The following AGPAT4 variants were observed in gnomAD, a reference collection of about 807,000 sequenced individuals.
AGPAT4 encodes the protein 1-acyl-sn-glycerol-3-phosphate acyltransferase delta.
Under a neutral mutation model 48.0 loss-of-function variants are expected in AGPAT4, and 15 were observed. That is an observed-to-expected ratio of 0.31 (90% CI 0.21 to 0.48). The LOEUF (loss-of-function observed/expected upper bound fraction) is 0.48. Ranked by LOEUF, AGPAT4 falls within the 20% of genes least tolerant of loss-of-function variation. The pLI is 0.99. For synonymous variants in AGPAT4, 178 were observed against 198.7 expected (o/e 0.90, Z 0.88); for missense variants, 314 against 482.5 (o/e 0.65, Z 3.27).
chr6:161,149,688 C>T lies in AGPAT4; in HGVS notation c.665-399G>A, dbSNP rs1279649219. Among the ~76,000 whole-genome samples the T allele has an allele frequency of 6.6e-6, 1 of 152,026 alleles. No homozygotes were observed. Among genetic ancestry groups the T allele is most frequent in the African/African-American group, 2.4e-5 (1 of 41,380 alleles). Reference sequence around the variant, plus strand: ...TCCCAAGTAGCTGGGGTTACAGACACCCACCACCACGCCCAGCTAATTTTT... The same window carrying T: ...TCCCAAGTAGCTGGGGTTACAGACATCCACCACCACGCCCAGCTAATTTTT... On this transcript the variant is annotated intron_variant, in intron 5 of 8. Coordinates refer to ENST00000320285, the MANE Select transcript of AGPAT4 (RefSeq NM_020133.3). The surrounding 1 kb of genome is among the most constrained non-coding windows in gnomAD (Gnocchi z 6.5).
At chr6:161,181,595 T>C (rs1780593686) in intron 2 of AGPAT4, among the ~76,000 whole-genome samples, 1 of 152,172 alleles carries the variant, frequency 6.6e-6, no homozygotes. Flanking sequence ...TTTTAATTTT[T>C]GTGAGACAGT....
chr6:161,248,628 C>T (rs1782729836), intron 1 of AGPAT4, among the ~76,000 whole-genome samples: 1 of 148,134 alleles, frequency 6.8e-6, no homozygotes, highest in Non-Finnish European at 1.5e-5. Context: ...AGTGAAAGAT[C>T]GCTACAAGGA....
At position 161,211,639 on chromosome 6, in the gene AGPAT4, G is replaced by A. The variant is rs750883952; in HGVS notation, c.178+20397C>T. ...ATAAAAAGAGATTTTTAAAAAAAAC[G>A]TTTATATGATCAAGTTGTCATATTA... On this transcript the variant is annotated intron_variant, in intron 2 of 8. Coordinates refer to ENST00000320285, the MANE Select transcript of AGPAT4 (RefSeq NM_020133.3). Among the ~76,000 whole-genome samples, 46 of 152,092 alleles carry A rather than the reference G, an allele frequency of 3.0e-4. 1 individual carries two copies. The highest frequency in any genetic ancestry group is 1.9e-3 in the South Asian group (9 of 4,814).
In AGPAT4 at chr6:161,251,798, T is replaced by C. The variant is rs970628552; in HGVS notation, c.-89-19496A>G. Among the ~76,000 whole-genome samples, 2 of 152,278 alleles carry C rather than the reference T, an allele frequency of 1.3e-5. No individual in the cohort carries two copies. The highest frequency in any genetic ancestry group is 3.9e-4 in the East Asian group (2 of 5,172). On this transcript the variant is annotated intron_variant, in intron 1 of 8. Coordinates refer to ENST00000320285, the MANE Select transcript of AGPAT4 (RefSeq NM_020133.3). The surrounding 1 kb of genome is among the most constrained non-coding windows in gnomAD (Gnocchi z 4.6). ...CATTGATAGTTTACAAATCTACCTA[T>C]AGGGCAGTTTCTGCAGGAGGAACAA...
rs776271200 is a variant in AGPAT4 at position 161,214,789 on chromosome 6, T to C, written c.178+17247A>G. On this transcript the variant is annotated intron_variant, in intron 2 of 8. Coordinates refer to ENST00000320285, the MANE Select transcript of AGPAT4 (RefSeq NM_020133.3). The surrounding 1 kb of genome is among the most constrained non-coding windows in gnomAD (Gnocchi z 5.4). Reference sequence around the variant, plus strand: ...GTCTCAAAATAAATAAATAAATAAATAATAAAATAAACATAGAAAAGGCAC... The same window carrying C: ...GTCTCAAAATAAATAAATAAATAAACAATAAAATAAACATAGAAAAGGCAC... 1.3e-5 allele frequency among the ~76,000 whole-genome samples: 2 copies of C among 151,978 alleles called. No individual in the cohort carries two copies. The highest frequency in any genetic ancestry group is 2.4e-5 in the African/African-American group (1 of 41,400).
chr6:161,146,437 G>T lies in AGPAT4; in HGVS notation c.843+87C>A. 7.6e-7 allele frequency: 1 copy of T among 1,317,106 alleles called. No individual in the cohort carries two copies. Among genetic ancestry groups the T allele is most frequent in the Non-Finnish European group, 1.1e-6 (1 of 932,220 alleles). 81.6% of individuals were successfully genotyped at this position (1,317,106 alleles called of 1,614,324 possible). On this transcript the variant is annotated intron_variant, in intron 7 of 8. Transcript: ENST00000320285. This position sits in a 1 kb window ranked among gnomAD's most constrained non-coding sequence, Gnocchi z 7.1. ...CTGGCTCTGTGAGATCTCGCCCACCGGAGAAAGGCCTGCTACCACACAACA... is the reference window on the plus strand; with the variant it reads ...CTGGCTCTGTGAGATCTCGCCCACCTGAGAAAGGCCTGCTACCACACAACA...
intron 2 of AGPAT4, among the ~76,000 whole-genome samples, chr6:161,167,385 C>T (rs2114980675): frequency 6.6e-6 from 1 of 152,164 alleles, no homozygotes; most frequent in East Asian, 1.9e-4. Context: ...ACCACCATGC[C>T]CAGCTAATTT....
intron 3 of AGPAT4, among the ~76,000 whole-genome samples, chr6:161,162,172 G>A (rs1300926765): frequency 1.3e-5 from 2 of 152,212 alleles, no homozygotes; most frequent in Non-Finnish European, 2.9e-5. Flanking sequence ...AAGAGGGCAA[G>A]GGAAGGTCTC....
Position 161,131,195 on chromosome 6 carries a change from A to G in AGPAT4, c.*5345T>C, listed in dbSNP as rs752022492. 1.1e-5 allele frequency: 3 copies of G among 264,118 alleles called. No individual in the cohort carries two copies. The highest frequency in any genetic ancestry group is 1.5e-5 in the Non-Finnish European group (2 of 130,480). 16.4% of individuals were successfully genotyped at this position (264,118 alleles called of 1,614,324 possible). A position where few individuals can be genotyped will look rare whatever the true frequency, so the allele number is the denominator to read the frequency against. On this transcript the variant is annotated 3_prime_UTR_variant, in exon 9 of 9. Transcript: ENST00000320285. ...TGTAAAAATTGTATGACTCTTACCC[A>G]GTGAAAAGCTTTACTAACACAGCCC...
chr6:161,259,391 G>C lies in AGPAT4; in HGVS notation c.-90+14547C>G, dbSNP rs1269825106. Among the ~76,000 whole-genome samples, 1 of 152,156 alleles carries C rather than the reference G, an allele frequency of 6.6e-6. No homozygotes were observed. The highest frequency in any genetic ancestry group is 2.4e-5 in the African/African-American group (1 of 41,536). ...ACTGAGATAGTCCTAATATGACCTTGGCTGTCCGCAGCGCGTATGCTTTGA... is the reference window on the plus strand; with the variant it reads ...ACTGAGATAGTCCTAATATGACCTTCGCTGTCCGCAGCGCGTATGCTTTGA... On this transcript the variant is annotated intron_variant, in intron 1 of 8. Coordinates refer to ENST00000320285, the MANE Select transcript of AGPAT4 (RefSeq NM_020133.3). The surrounding 1 kb of genome is among the most constrained non-coding windows in gnomAD (Gnocchi z 4.9).
rs550116980 is a variant in AGPAT4, at chr6:161,166,126, T to C, written c.348+122A>G. 14 of 1,328,248 alleles carry C rather than the reference T, an allele frequency of 1.1e-5. No individual in the cohort carries two copies. The highest frequency in any genetic ancestry group is 1.3e-5 in the Non-Finnish European group (13 of 963,102). The allele number at this position is 1,328,248 out of a possible 1,614,324, so 82.3% of individuals were successfully genotyped here. On this transcript the variant is annotated intron_variant, in intron 3 of 8. Coordinates refer to ENST00000320285, the MANE Select transcript of AGPAT4 (RefSeq NM_020133.3). The surrounding 1 kb of genome is among the most constrained non-coding windows in gnomAD (Gnocchi z 6.7). ...ATAAAAAGCAGTTTATTAGGACCATTTCATCAAGTAGAAACTCTGTTGATT... is the reference window on the plus strand; with the variant it reads ...ATAAAAAGCAGTTTATTAGGACCATCTCATCAAGTAGAAACTCTGTTGATT...
At chr6:161,167,873 T>C (rs1271703708) in intron 2 of AGPAT4, among the ~76,000 whole-genome samples, 1 of 152,234 alleles carries the variant, frequency 6.6e-6, no homozygotes, top group Non-Finnish European at 1.5e-5. Context: ...ACACATAGTA[T>C]GTGCTCAGCG....
chr6:161,211,318 A>C (rs1335879509), intron 2 of AGPAT4, among the ~76,000 whole-genome samples: 1 of 152,176 alleles, frequency 6.6e-6, no homozygotes, highest in Non-Finnish European at 1.5e-5. Context: ...CTCTCCAAAA[A>C]CAAAGTGTGT....
rs1452504882 is a variant in AGPAT4, at chr6:161,218,604, C to T, written c.178+13432G>A. 6.6e-6 allele frequency among the ~76,000 whole-genome samples: 1 copy of T among 152,204 alleles called. No homozygotes were observed. Among genetic ancestry groups the T allele is most frequent in the Non-Finnish European group, 1.5e-5 (1 of 68,040 alleles). ...AGGCTCCAAGTGCGTGTTACCATAACACCGGGGCAGGATCCTCCGCTCCAC... is the reference window on the plus strand; with the variant it reads ...AGGCTCCAAGTGCGTGTTACCATAATACCGGGGCAGGATCCTCCGCTCCAC... On this transcript the variant is annotated intron_variant, in intron 2 of 8. Coordinates refer to ENST00000320285, the MANE Select transcript of AGPAT4 (RefSeq NM_020133.3). The surrounding 1 kb of genome is among the most constrained non-coding windows in gnomAD (Gnocchi z 4.7).
chr6:161,152,447 A>G (rs1301542684), intron 5 of AGPAT4, among the ~76,000 whole-genome samples: 1 of 152,134 alleles, frequency 6.6e-6, no homozygotes, highest in Non-Finnish European at 1.5e-5. Flanking sequence ...CCACCGCTAA[A>G]GCCGGTGGGT....
chr6:161,253,315 C>T (rs889452451), intron 1 of AGPAT4, among the ~76,000 whole-genome samples: 13 of 149,446 alleles, frequency 8.7e-5, no homozygotes, highest in Admixed American at 4.7e-4. Context: ...AGTGCAGTGG[C>T]GCAATCTCTG....
At position 161,219,900 on chromosome 6, in the gene AGPAT4, C is replaced by T. The variant is rs1562343810; in HGVS notation, c.178+12136G>A. On this transcript the variant is annotated intron_variant, in intron 2 of 8. Coordinates refer to ENST00000320285, the MANE Select transcript of AGPAT4 (RefSeq NM_020133.3). This position sits in a 1 kb window ranked among gnomAD's most constrained non-coding sequence, Gnocchi z 4.9. ...GCAGGCAGGCAGGCAGGCAGGCAGG[C>T]AGGCAGGCAGGCAGGCGGCAGGCAG... Among the ~76,000 whole-genome samples the T allele has an allele frequency of 7.2e-6, 1 of 139,404 alleles. No individual in the cohort carries two copies. The highest frequency in any genetic ancestry group is 2.9e-5 in the African/African-American group (1 of 34,416). The allele number at this position is 139,404 out of a possible 152,430, so 91.5% of individuals were successfully genotyped here. A position where few individuals can be genotyped will look rare whatever the true frequency, so the allele number is the denominator to read the frequency against.
rs1275167050 is a variant in AGPAT4 at position 161,134,345 on chromosome 6, A to G, written c.*2195T>C. The G allele has an allele frequency of 1.3e-5, 2 of 152,188 alleles. No homozygotes were observed. Among genetic ancestry groups the G allele is most frequent in the Non-Finnish European group, 1.5e-5 (1 of 68,028 alleles). 9.4% of individuals were successfully genotyped at this position (152,188 alleles called of 1,614,324 possible). A position where few individuals can be genotyped will look rare whatever the true frequency, so the allele number is the denominator to read the frequency against. The stretch of plus-strand genomic sequence containing the variant: ...TGAATGTCTGTGGGCCCCCGGATCT[A>G]TGTTTTTAGAACTTACTTAGATTAC... On this transcript the variant is annotated 3_prime_UTR_variant, in exon 9 of 9. Transcript: ENST00000320285.
chr6:161,209,733 C>T (rs200471608), intron 2 of AGPAT4, among the ~76,000 whole-genome samples: 6 of 152,124 alleles, frequency 3.9e-5, no homozygotes, highest in East Asian at 3.9e-4. Context: ...GTCCAGCTTT[C>T]GGAACAGTAT....
Sources: gnomAD v4.1 joint callset for allele counts (sites outside exome capture counted in the v4.1 genomes callset) on GRCh38, gnomAD v4.1.1 for gene constraint, Gnocchi (gnomAD v3.1) non-coding constraint, MANE v1.5 for transcripts, NCBI Gene and HGNC (gene_info 2026-07-23, HGNC 2026-07-21) for gene names.